Variants in VIRMA observed in about 807,000 individuals in gnomAD.
VIRMA encodes vir like m6A methyltransferase associated.
Under a neutral mutation model 182.4 loss-of-function variants are expected in VIRMA, and 65 were observed. The ratio of observed to expected loss-of-function variants is 0.36; its 90% CI spans 0.29 to 0.44. VIRMA has a LOEUF of 0.44. Among genes scored for constraint, VIRMA ranks in the 20% least tolerant of loss-of-function variants. VIRMA has a pLI of 1.00. For missense variants in VIRMA, 1,752 were observed against 2,158.1 expected (o/e 0.81, Z 3.73); for synonymous variants, 709 against 743.1 (o/e 0.95, Z 0.75).
chr8:94,504,781 T>C (rs1004147323), intron 16 of VIRMA, among the ~76,000 whole-genome samples: 1 of 152,016 alleles, frequency 6.6e-6, no homozygotes, highest in Non-Finnish European at 1.5e-5. Flanking sequence ...CTTAATGAGA[T>C]GCCATTAGAT....
chr8:94,550,383 C>T (rs768364388), intron 1 of VIRMA, among the ~76,000 whole-genome samples: 34 of 151,862 alleles, frequency 2.2e-4, no homozygotes, highest in Non-Finnish European at 4.7e-4. Flanking sequence ...AGCTCTGCCT[C>T]CCGGGTTCAC....
chr8:94,492,512 TCTC>T, intron 21 of VIRMA, 137 bp downstream of exon 21: 1 of 555,486 alleles, frequency 1.8e-6, no homozygotes, highest in African/African-American at 1.9e-5. Flanking sequence ...ATGGTCTCGA[TCTC>T]CTGACCTCGG....
chr8:94,501,182 G>A (rs1031145272), intron 16 of VIRMA, among the ~76,000 whole-genome samples: 1 of 148,690 alleles, frequency 6.7e-6, no homozygotes, highest in Non-Finnish European at 1.5e-5. Flanking sequence ...CTTGAACCCA[G>A]GAGGCGCAGG....
chr8:94,532,322 G>C (rs1213078900), intron 5 of VIRMA, among the ~76,000 whole-genome samples: 1 of 152,176 alleles, frequency 6.6e-6, no homozygotes, highest in Non-Finnish European at 1.5e-5. Context: ...GGCCAGGCTG[G>C]TCTCAAACTC....
At position 94,506,707 on chromosome 8, in the gene VIRMA, A is replaced by C; in HGVS notation, c.3890T>G (p.Leu1297Arg). The C allele has an allele frequency of 6.2e-7, 1 of 1,612,646 alleles. No homozygotes were observed. The highest frequency in any genetic ancestry group is 8.5e-7 in the Non-Finnish European group (1 of 1,179,010). Residue 1297 changes from leucine to arginine, a missense_variant, in exon 16 of 24, where the codon CTT becomes CGT. Physicochemically the swap from Leu to Arg is moderately radical, Grantham distance 102 (BLOSUM62 -2). Coordinates refer to ENST00000297591, the MANE Select transcript of VIRMA (RefSeq NM_015496.5). ...ACCTTCAGAAGAGCTTGGTAAGATA[A>C]GTGCAATGTCCTGTGGGGAGCAGGG... ...LQSLCDQDIA[L>R]ILPSSSEGSI...
chr8:94,509,769 C>T lies in VIRMA; in HGVS notation c.3798G>A (p.Leu1266=), dbSNP rs776551704. 56 of 1,613,884 alleles carry T rather than the reference C, an allele frequency of 3.5e-5. No homozygotes were observed. The highest frequency in any genetic ancestry group is 2.8e-5 in the Non-Finnish European group (33 of 1,179,956). ...YAEIFQDLLA[L]VRSPGDSVIR... is the part of the protein sequence containing the mutation. ...TAACACTGTCTCCAGGAGACCGCAC[C>T]AAAGCTAAAAGATCCTGGAATATCT... Residue 1266 remains leucine, a synonymous_variant, in exon 15 of 24, where the codon TTG becomes TTA. Transcript: ENST00000297591.
intron 17 of VIRMA, 110 bp downstream of exon 17, chr8:94,499,264 G>A: frequency 2.8e-6 from 2 of 724,646 alleles, no homozygotes; most frequent in Non-Finnish European, 2.1e-6. Flanking sequence ...GCCCACCAGA[G>A]TGCTGAGATT....
In VIRMA at chr8:94,536,989, A is replaced by AAG. The variant is rs1241586788; in HGVS notation, c.315+112_315+113dup. 60 of 799,540 alleles carry AAG rather than the reference A, an allele frequency of 7.5e-5. No homozygotes were observed. The Admixed American group carries it at 1.3e-3, about 17-fold the overall frequency. 49.5% of individuals were successfully genotyped at this position (799,540 alleles called of 1,614,324 possible). ...GCGAGACTCCGTCTCAAAAAACACA[A>AAG]AGAAAAAAAAAAAGATATGACACTC... On this transcript the variant is annotated intron_variant, in intron 4 of 23. Transcript: ENST00000297591.
At position 94,516,756 on chromosome 8, in the gene VIRMA, C is replaced by T. The variant is rs77816883; in HGVS notation, c.2668+1032G>A. 1.2e-3 allele frequency among the ~76,000 whole-genome samples: 189 copies of T among 152,278 alleles called. 1 individual carries two copies. The highest frequency in any genetic ancestry group is 4.3e-3 in the African/African-American group (180 of 41,562). On this transcript the variant is annotated intron_variant, in intron 10 of 23. Transcript: ENST00000297591. ...ACACTGTGTGCCCTCCTTTTATAAA[C>T]GCATTCTTCAGGAAAAAAATCTATT...
At chr8:94,540,660 C>T (rs1205481628) in intron 2 of VIRMA, among the ~76,000 whole-genome samples, 3 of 151,792 alleles carry the variant, frequency 2.0e-5, no homozygotes, top group African/African-American at 7.3e-5. Context: ...CGGGGTTTCA[C>T]TATGTTGGCC....
At chr8:94,525,143 C>G (rs541467249) in intron 8 of VIRMA, among the ~76,000 whole-genome samples, 2 of 152,302 alleles carry the variant, frequency 1.3e-5, no homozygotes, top group South Asian at 4.1e-4. Context: ...GGTGCTCGGA[C>G]CACAAGCAGG....
Position 94,529,233 on chromosome 8 carries a change from T to C in VIRMA, c.717A>G (p.Glu239=). 1 of 1,587,674 alleles carries C rather than the reference T, an allele frequency of 6.3e-7. No homozygotes were observed. Among genetic ancestry groups the C allele is most frequent in the East Asian group, 2.2e-5 (1 of 44,710 alleles). The change falls in exon 7 of 24, where the codon GAA becomes GAG. Residue 239 remains glutamate, a synonymous_variant. Transcript: ENST00000297591. Reference sequence around the variant, plus strand: ...CTTCTTCTTGTTGTTCCTCTTCTACTTCTCCTTCATCAGAATATTGCCCTT... The same window carrying C: ...CTTCTTCTTGTTGTTCCTCTTCTACCTCTCCTTCATCAGAATATTGCCCTT... ...PQEGQYSDEG[E]VEEEQQEEGE... is the part of the protein sequence containing the mutation.
chr8:94,535,761 G>A (rs1167226314), intron 4 of VIRMA, among the ~76,000 whole-genome samples: 4 of 150,384 alleles, frequency 2.7e-5, no homozygotes, highest in African/African-American at 7.3e-5. Flanking sequence ...TAGCCTGGGC[G>A]ACAGAGCGAG....
chr8:94,538,609 T>C (rs1815424619), intron 2 of VIRMA, among the ~76,000 whole-genome samples: 1 of 151,192 alleles, frequency 6.6e-6, no homozygotes. Context: ...TCACTATTCA[T>C]TTTTTTTTGA....
At chr8:94,506,918 A>T (rs1303482744) in intron 15 of VIRMA, among the ~76,000 whole-genome samples, 1 of 152,152 alleles carries the variant, frequency 6.6e-6, no homozygotes, top group African/African-American at 2.4e-5. Flanking sequence ...AAGGATACAC[A>T]CCTAAAGGAA....
chr8:94,496,267 T>C, intron 18 of VIRMA, 61 bp downstream of exon 18: 5 of 1,414,982 alleles, frequency 3.5e-6, no homozygotes, highest in Non-Finnish European at 4.8e-6. Flanking sequence ...ACGAAATACT[T>C]GTACTAGTCA....
At chr8:94,508,113 C>T (rs964698086) in intron 15 of VIRMA, among the ~76,000 whole-genome samples, 1 of 151,790 alleles carries the variant, frequency 6.6e-6, no homozygotes, top group Admixed American at 6.6e-5. Flanking sequence ...TTTTTTGAGA[C>T]GAAGTCTCCC....
intron 21 of VIRMA, among the ~76,000 whole-genome samples, chr8:94,492,284 CT>C (rs770111580): frequency 1.5e-3 from 207 of 140,200 alleles, no homozygotes; most frequent in Middle Eastern, 3.9e-3. Context: ...TAGCATGTGT[CT>C]TTTTTTTTTT....
In VIRMA at chr8:94,499,506, A is replaced by T. The variant is rs754667303; in HGVS notation, c.4098T>A (p.Ser1366Arg). 6.7e-7 allele frequency: 1 copy of T among 1,486,492 alleles called. No individual in the cohort carries two copies. Among genetic ancestry groups the T allele is most frequent in the Non-Finnish European group, 9.3e-7 (1 of 1,078,550 alleles). The allele number at this position is 1,486,492 out of a possible 1,614,324, so 92.1% of individuals were successfully genotyped here. A position where few individuals can be genotyped will look rare whatever the true frequency, so the allele number is the denominator to read the frequency against. Residue 1366 changes from serine (S) to arginine (R), a missense_variant and splice_region_variant, in exon 17 of 24, where the codon AGT becomes AGA. Transcript: ENST00000297591. ...EHDYGLFHLKSSLRKNSSALH... is the reference protein window; with the variant it reads ...EHDYGLFHLKRSLRKNSSALH... ...GAGCACTACTGTTTTTCCTTAAAGA[A>T]CTGTAAATAAAGAAAATAAAGAGAA...
Sources: allele counts gnomAD v4.1 joint callset (sites outside exome capture counted in the v4.1 genomes callset), GRCh38; gene constraint gnomAD v4.1.1; transcripts MANE v1.5; gene names NCBI Gene and HGNC (gene_info 2026-07-23, HGNC 2026-07-21).